Variants in ZFHX3 observed in about 807,000 individuals in gnomAD.
The protein encoded by ZFHX3 is zinc finger homeobox 3.
A neutral mutation model predicts 279.1 loss-of-function variants in ZFHX3; 42 were observed. That is an observed-to-expected ratio of 0.15 (90% CI 0.12 to 0.19). ZFHX3 has a LOEUF of 0.19. Ranked by LOEUF, ZFHX3 falls within the 10% of genes least tolerant of loss-of-function variation. The pLI is 1.00. For synonymous variants in ZFHX3, 2,293 were observed against 1,957.8 expected (o/e 1.17, Z -4.52); for missense variants, 4,981 against 4,754.0 (o/e 1.05, Z -1.40).
intron 2 of ZFHX3, among the ~76,000 whole-genome samples, chr16:73,541,286 A>G (rs2020006460): frequency 6.6e-6 from 1 of 152,040 alleles, no homozygotes; most frequent in African/African-American, 2.4e-5. Context: ...GGAATTTGAG[A>G]CCAGCCTGAG....
chr16:72,895,371 G>A (rs375674217), intron 3 of ZFHX3, among the ~76,000 whole-genome samples: 5 of 152,142 alleles, frequency 3.3e-5, no homozygotes, highest in African/African-American at 9.7e-5. Flanking sequence ...ATGAGAAAGC[G>A]AGACCAACCA....
chr16:73,714,645 A>G (rs2053396947), intron 1 of ZFHX3, among the ~76,000 whole-genome samples: 1 of 152,216 alleles, frequency 6.6e-6, no homozygotes, highest in Non-Finnish European at 1.5e-5. Flanking sequence ...GTTAGCATCT[A>G]TTCCCAACTT....
chr16:73,850,260 T>A (rs1457337734), intron 1 of ZFHX3, among the ~76,000 whole-genome samples: 2 of 152,224 alleles, frequency 1.3e-5, no homozygotes, highest in Non-Finnish European at 2.9e-5. Flanking sequence ...GCAGGTTGGT[T>A]AAGCCTTAGT....
chr16:72,959,885 G>A lies in ZFHX3; in HGVS notation c.261C>T (p.Ser87=), dbSNP rs1961483501. The A allele has an allele frequency of 3.7e-6, 6 of 1,603,180 alleles. No homozygotes were observed. Among genetic ancestry groups the A allele is most frequent in the African/African-American group, 1.3e-5 (1 of 74,674 alleles). Reference sequence around the variant, plus strand: ...CCATGTAGGTCTGGAGGCTGGCAAAGGAGGCCGAACATTCGTTGCAGGTGA... The same window carrying A: ...CCATGTAGGTCTGGAGGCTGGCAAAAGAGGCCGAACATTCGTTGCAGGTGA... ...KEVTCNECSA[S]FASLQTYMEH... The change falls in exon 2 of 10, where the codon TCC becomes TCT. Residue 87 remains serine (S), a synonymous_variant. Coordinates refer to ENST00000268489, the MANE Select transcript of ZFHX3 (RefSeq NM_006885.4).
chr16:73,568,663 G>C (rs1597003458), intron 2 of ZFHX3, among the ~76,000 whole-genome samples: 2 of 152,268 alleles, frequency 1.3e-5, no homozygotes, highest in South Asian at 4.1e-4. Flanking sequence ...GTCCAGGTGA[G>C]TCCCATTCAC....
chr16:73,316,097 G>A (rs2015441670), intron 4 of ZFHX3, among the ~76,000 whole-genome samples: 1 of 152,202 alleles, frequency 6.6e-6, no homozygotes, highest in African/African-American at 2.4e-5. Context: ...TTATCACAAA[G>A]AAGGTGATAC....
At chr16:73,592,643 A>G (rs1166507670) in intron 2 of ZFHX3, among the ~76,000 whole-genome samples, 1 of 152,160 alleles carries the variant, frequency 6.6e-6, no homozygotes, top group Non-Finnish European at 1.5e-5. Flanking sequence ...GATTGACCAT[A>G]TGTCAGTAAC....
intron 1 of ZFHX3, among the ~76,000 whole-genome samples, chr16:73,841,415 G>A (rs114660362): frequency 1.3e-5 from 2 of 152,128 alleles, no homozygotes; most frequent in Non-Finnish European, 2.9e-5. Flanking sequence ...GGCGGACCAG[G>A]AATCATAACA....
intron 4 of ZFHX3, among the ~76,000 whole-genome samples, chr16:73,262,086 T>A (rs1322765900): frequency 6.6e-6 from 1 of 152,206 alleles, no homozygotes; most frequent in Non-Finnish European, 1.5e-5. Context: ...AGAAGCAGTC[T>A]AAAAACACAA....
At chr16:73,578,182 T>A (rs1567523623) in intron 2 of ZFHX3, among the ~76,000 whole-genome samples, 1 of 152,186 alleles carries the variant, frequency 6.6e-6, no homozygotes, top group Admixed American at 6.5e-5. Context: ...GATGAAACAT[T>A]TGGACTGAGT....
At chr16:73,562,476 A>G (rs149736833) in intron 2 of ZFHX3, among the ~76,000 whole-genome samples, 2,578 of 151,926 alleles carry the variant, frequency 0.017, 66 homozygotes, top group African/African-American at 0.057. Flanking sequence ...TGCGCCTGTA[A>G]TCCCAGCTAC....
chr16:73,455,562 C>A (rs1033802312), intron 3 of ZFHX3, among the ~76,000 whole-genome samples: 2 of 152,268 alleles, frequency 1.3e-5, no homozygotes, highest in South Asian at 2.1e-4. Context: ...TCAATGAAGT[C>A]ATTTCATTCC....
At chr16:73,689,178 G>A (rs980795629) in intron 1 of ZFHX3, among the ~76,000 whole-genome samples, 10 of 152,252 alleles carry the variant, frequency 6.6e-5, no homozygotes, top group East Asian at 1.9e-4. Context: ...AATCTTGTAC[G>A]TCTTTCAATT....
At chr16:73,190,566 T>C (rs1309077797) in intron 5 of ZFHX3, among the ~76,000 whole-genome samples, 1 of 152,182 alleles carries the variant, frequency 6.6e-6, no homozygotes, top group Non-Finnish European at 1.5e-5. Flanking sequence ...GCAGACACAC[T>C]CTATTACATA....
intron 5 of ZFHX3, among the ~76,000 whole-genome samples, chr16:73,167,964 C>A (rs1008343242): frequency 6.6e-5 from 10 of 152,250 alleles, no homozygotes; most frequent in Non-Finnish European, 1.3e-4. Flanking sequence ...AAATTCCTAC[C>A]TCTGTTTAAA....
chr16:72,901,395 T>C (rs1201939096), intron 3 of ZFHX3, among the ~76,000 whole-genome samples: 1 of 152,196 alleles, frequency 6.6e-6, no homozygotes, highest in African/African-American at 2.4e-5. Context: ...TACTATTTGC[T>C]GACAAATACA....
chr16:72,875,853 T>C (rs1402519379), intron 4 of ZFHX3, among the ~76,000 whole-genome samples: 1 of 152,174 alleles, frequency 6.6e-6, no homozygotes, highest in African/African-American at 2.4e-5. Context: ...GGGCTGGAAT[T>C]CCAAACAGTC....
At chr16:72,875,658 T>TAAAG (rs2038290144) in intron 4 of ZFHX3, among the ~76,000 whole-genome samples, 3 of 152,200 alleles carry the variant, frequency 2.0e-5, no homozygotes, top group Admixed American at 6.5e-5. Flanking sequence ...GCCAAAAACT[T>TAAAG]AAAGACTGGT....
intron 5 of ZFHX3, among the ~76,000 whole-genome samples, chr16:73,236,889 C>A (rs947597858): frequency 6.6e-6 from 1 of 152,144 alleles, no homozygotes; most frequent in Non-Finnish European, 1.5e-5. Context: ...CCACGCGGTA[C>A]CTGAGATAAC....
Sources: gnomAD v4.1 joint callset for allele counts (sites outside exome capture counted in the v4.1 genomes callset) on GRCh38, gnomAD v4.1.1 for gene constraint, MANE v1.5 for transcripts, NCBI Gene and HGNC (gene_info 2026-07-23, HGNC 2026-07-21) for gene names.